RIMS2: variants seen among roughly 807,000 people sequenced by gnomAD.
The protein encoded by RIMS2 is regulating synaptic membrane exocytosis protein 2.
In RIMS2, 59 loss-of-function variants were observed where a neutral mutation model predicts 174.4. The ratio of observed to expected loss-of-function variants is 0.34; its 90% confidence interval spans 0.27 to 0.42. The LOEUF (loss-of-function observed/expected upper bound fraction) is 0.42. Among genes scored for constraint, RIMS2 ranks in the 10% least tolerant of loss-of-function variants. The pLI, the probability that RIMS2 is intolerant of heterozygous loss-of-function variation, is 1.00. For synonymous variants in RIMS2, 606 were observed against 572.5 expected (o/e 1.06, Z -0.84); for missense variants, 1,620 against 1,666.3 (o/e 0.97, Z 0.48).
intron 19 of RIMS2, among the ~76,000 whole-genome samples, chr8:104,079,957 A>AT (rs908072698): frequency 1.2e-4 from 19 of 152,122 alleles, no homozygotes; most frequent in African/African-American, 4.6e-4. Context: ...AATTTTAAGC[A>AT]TTTTGTATCA....
At chr8:104,177,920 G>T (rs1015999053) in intron 19 of RIMS2, among the ~76,000 whole-genome samples, 4 of 152,044 alleles carry the variant, frequency 2.6e-5, no homozygotes. Flanking sequence ...TCTGGGCTTG[G>T]TTCTAGACTT....
intron 1 of RIMS2, among the ~76,000 whole-genome samples, chr8:103,549,493 C>T (rs1011764617): frequency 1.3e-5 from 2 of 152,178 alleles, no homozygotes; most frequent in Non-Finnish European, 2.9e-5. Flanking sequence ...AAAGGAACAA[C>T]CAGTACCAGC....
intron 1 of RIMS2, among the ~76,000 whole-genome samples, chr8:103,614,869 A>G (rs2095469906): frequency 6.6e-6 from 1 of 152,216 alleles, no homozygotes; most frequent in African/African-American, 2.4e-5. Context: ...GACATTACCT[A>G]ATATGATGTT....
chr8:104,139,550 C>A (rs2098549612), intron 19 of RIMS2, among the ~76,000 whole-genome samples: 2 of 151,948 alleles, frequency 1.3e-5, no homozygotes, highest in African/African-American at 4.8e-5. Context: ...TTCTTGATTT[C>A]TTTTTCAGAT....
At chr8:103,643,145 AT>A (rs568809099) in intron 1 of RIMS2, among the ~76,000 whole-genome samples, 107 of 151,492 alleles carry the variant, frequency 7.1e-4, no homozygotes, top group Non-Finnish European at 1.3e-3. Flanking sequence ...TTATTGACAT[AT>A]TTTCAAGCTC....
chr8:104,126,251 A>G (rs1378258370), intron 19 of RIMS2, among the ~76,000 whole-genome samples: 1 of 152,218 alleles, frequency 6.6e-6, no homozygotes, highest in Non-Finnish European at 1.5e-5. Context: ...CCAATCAAAA[A>G]ACAAGCAAAC....
chr8:104,204,873 G>T (rs2441909), intron 19 of RIMS2, among the ~76,000 whole-genome samples: 87,558 of 151,956 alleles, frequency 0.58, 25,335 homozygotes, highest in East Asian at 0.65. Flanking sequence ...ACCAGTTAAG[G>T]CTATTGTTTG....
At chr8:103,987,751 C>G (rs1350048130) in intron 16 of RIMS2, among the ~76,000 whole-genome samples, 1 of 152,092 alleles carries the variant, frequency 6.6e-6, no homozygotes, top group Non-Finnish European at 1.5e-5. Flanking sequence ...AATATTAAAA[C>G]TAATATAGGA....
chr8:104,149,575 A>G (rs374353349), intron 19 of RIMS2, among the ~76,000 whole-genome samples: 12 of 152,224 alleles, frequency 7.9e-5, no homozygotes, highest in Non-Finnish European at 1.3e-4. Flanking sequence ...ATGGGTGTAG[A>G]TAATTAAACA....
At chr8:104,071,582 G>C (rs969493933) in intron 19 of RIMS2, among the ~76,000 whole-genome samples, 6 of 152,064 alleles carry the variant, frequency 3.9e-5, no homozygotes, top group African/African-American at 4.8e-5. Flanking sequence ...CTACAGGCAC[G>C]CGCCACCATG....
intron 1 of RIMS2, among the ~76,000 whole-genome samples, chr8:103,625,092 C>T (rs1032479407): frequency 6.6e-6 from 1 of 152,110 alleles, no homozygotes; most frequent in South Asian, 2.1e-4. Context: ...CATCCTGCTA[C>T]TAACTCATAC....
chr8:104,179,961 A>C (rs1199644090), intron 19 of RIMS2, among the ~76,000 whole-genome samples: 7 of 151,758 alleles, frequency 4.6e-5, no homozygotes, highest in Non-Finnish European at 8.9e-5. Context: ...TACCCTCCAC[A>C]TGTTCTACTG....
intron 19 of RIMS2, among the ~76,000 whole-genome samples, chr8:104,063,594 C>CA (rs1333480863): frequency 6.6e-6 from 1 of 152,194 alleles, no homozygotes; most frequent in Non-Finnish European, 1.5e-5. Flanking sequence ...CAATTTCTGA[C>CA]TTCCAAGATG....
chr8:103,793,919 A>C (rs976714812), intron 3 of RIMS2, among the ~76,000 whole-genome samples: 1 of 152,214 alleles, frequency 6.6e-6, no homozygotes, highest in African/African-American at 2.4e-5. Flanking sequence ...ACCACTGCTC[A>C]ACGAAATAAA....
At chr8:103,818,910 A>G (rs908970579) in intron 3 of RIMS2, among the ~76,000 whole-genome samples, 2 of 152,196 alleles carry the variant, frequency 1.3e-5, no homozygotes, top group African/African-American at 2.4e-5. Flanking sequence ...TCATGACATC[A>G]AAAGAAGAAT....
intron 11 of RIMS2, 47 bp from the exon 14 acceptor site, chr8:103,931,216 T>C: frequency 2.2e-6 from 3 of 1,383,124 alleles, no homozygotes; most frequent in Non-Finnish European, 3.0e-6. Context: ...ACATTGTGTT[T>C]GTGTAGTAAA....
chr8:103,515,230 C>T (rs1280536974), intron 1 of RIMS2, among the ~76,000 whole-genome samples: 3 of 152,114 alleles, frequency 2.0e-5, no homozygotes, highest in Non-Finnish European at 4.4e-5. Flanking sequence ...TTCTTTAGGA[C>T]TCATATTGTA....
chr8:103,808,061 C>G (rs1355566382), intron 3 of RIMS2, among the ~76,000 whole-genome samples: 1 of 152,068 alleles, frequency 6.6e-6, no homozygotes, highest in Non-Finnish European at 1.5e-5. Context: ...TATTCCTAGA[C>G]TACATTTCAT....
At chr8:104,195,790 G>A (rs1372919269) in intron 19 of RIMS2, among the ~76,000 whole-genome samples, 9 of 152,120 alleles carry the variant, frequency 5.9e-5, no homozygotes, top group African/African-American at 2.2e-4. Context: ...TGGGATTACA[G>A]GCATGAGCCA....
Sources: allele counts gnomAD v4.1 joint callset (sites outside exome capture counted in the v4.1 genomes callset), GRCh38; gene constraint gnomAD v4.1.1; transcripts MANE v1.5; gene names NCBI Gene and HGNC (gene_info 2026-07-23, HGNC 2026-07-21).